Variants in NCAM2 observed in about 807,000 individuals in gnomAD.
NCAM2 encodes neural cell adhesion molecule 2.
Under a neutral mutation model 98.1 loss-of-function variants are expected in NCAM2, and 30 were observed. The ratio of observed to expected loss-of-function variants is 0.31; its 90% CI spans 0.23 to 0.41. The LOEUF (loss-of-function observed/expected upper bound fraction) is 0.41, where lower values mean the gene tolerates loss of function less well. Among genes scored for constraint, NCAM2 ranks in the 10% least tolerant of loss-of-function variants. The pLI is 1.00. For missense variants in NCAM2, 867 were observed against 1,005.8 expected (o/e 0.86, Z 1.87); for synonymous variants, 368 against 342.4 (o/e 1.07, Z -0.83).
chr21:21,311,783 TA>T (rs11330449), intron 5 of NCAM2, among the ~76,000 whole-genome samples: 112,377 of 151,896 alleles, frequency 0.74, 41,718 homozygotes, highest in South Asian at 0.83. Context: ...TACATTTTTT[TA>T]AAAAAAATTT....
At chr21:21,425,276 A>G (rs761552578) in intron 11 of NCAM2, among the ~76,000 whole-genome samples, 2 of 152,074 alleles carry the variant, frequency 1.3e-5, no homozygotes, top group Non-Finnish European at 2.9e-5. Context: ...AAAAAGTGAC[A>G]CAACTGCCAA....
At chr21:21,327,512 T>C (rs2074551400) in intron 6 of NCAM2, among the ~76,000 whole-genome samples, 1 of 152,106 alleles carries the variant, frequency 6.6e-6, no homozygotes, top group South Asian at 2.1e-4. Context: ...ATTCGCAGGT[T>C]TGTTACATGA....
At chr21:21,319,130 AAC>A (rs1289874782) in intron 5 of NCAM2, among the ~76,000 whole-genome samples, 1 of 152,190 alleles carries the variant, frequency 6.6e-6, no homozygotes, top group East Asian at 1.9e-4. Flanking sequence ...AAGAAAAACA[AAC>A]AAAAAAAAAT....
At chr21:21,251,014 C>A (rs1369192014) in intron 1 of NCAM2, among the ~76,000 whole-genome samples, 1 of 152,130 alleles carries the variant, frequency 6.6e-6, no homozygotes, top group Admixed American at 6.5e-5. Flanking sequence ...TTTAACCTGG[C>A]ATGATTATTT....
chr21:21,508,808 C>CTTTTTTTTTTTTTTTTTTTTTTTTT (rs764097299), intron 15 of NCAM2, 43 bp from the exon 16 acceptor site: 1 of 404,442 alleles, frequency 2.5e-6, no homozygotes, highest in Non-Finnish European at 3.7e-6. Flanking sequence ...ACTTTTTTTC[C>CTTTTTTTTTTTTTTTTTTTTTTTTT]TTTTTTTTTT....
chr21:21,119,104 A>G (rs996319430), intron 1 of NCAM2, among the ~76,000 whole-genome samples: 3 of 152,012 alleles, frequency 2.0e-5, no homozygotes, highest in Non-Finnish European at 4.4e-5. Context: ...GTCATTTTTC[A>G]TTTGGGAGAT....
chr21:21,328,881 C>T (rs1241015361), intron 6 of NCAM2, among the ~76,000 whole-genome samples: 1 of 151,932 alleles, frequency 6.6e-6, no homozygotes, highest in Non-Finnish European at 1.5e-5. Flanking sequence ...CTCACTGAGT[C>T]ACCCAGAAGA....
chr21:21,506,101 G>A (rs1987963140), intron 15 of NCAM2, among the ~76,000 whole-genome samples: 1 of 152,022 alleles, frequency 6.6e-6, no homozygotes, highest in African/African-American at 2.4e-5. Context: ...TATTGTCATT[G>A]ATCTATAGGA....
At chr21:21,192,459 G>A (rs2068856359) in intron 1 of NCAM2, among the ~76,000 whole-genome samples, 3 of 152,092 alleles carry the variant, frequency 2.0e-5, no homozygotes, top group East Asian at 3.9e-4. Flanking sequence ...GGAAGTAATT[G>A]AAACATTGAC....
intron 1 of NCAM2, among the ~76,000 whole-genome samples, chr21:21,098,007 C>T (rs1020831045): frequency 1.7e-3 from 40 of 23,288 alleles, no homozygotes; most frequent in African/African-American, 2.4e-3. Context: ...ATTATTATGG[C>T]GAAATACAAT....
chr21:21,392,241 G>A (rs232435), intron 9 of NCAM2, among the ~76,000 whole-genome samples: 35,925 of 152,068 alleles, frequency 0.24, 4,443 homozygotes, highest in East Asian at 0.29. Flanking sequence ...TAAGGATAAT[G>A]GCCACCAGAT....
chr21:21,213,434 T>C (rs2069741735), intron 1 of NCAM2, among the ~76,000 whole-genome samples: 1 of 152,224 alleles, frequency 6.6e-6, no homozygotes, highest in Non-Finnish European at 1.5e-5. Flanking sequence ...ATTTAATATA[T>C]GATGTATAGC....
chr21:21,266,900 A>T (rs990340842), intron 1 of NCAM2, among the ~76,000 whole-genome samples: 2 of 152,142 alleles, frequency 1.3e-5, no homozygotes, highest in Admixed American at 6.6e-5. Context: ...GCCCAAAATG[A>T]GCTGTGGGAG....
intron 8 of NCAM2, among the ~76,000 whole-genome samples, chr21:21,348,240 G>A (rs113427381): frequency 8.7e-4 from 132 of 152,124 alleles, no homozygotes; most frequent in African/African-American, 3.1e-3. Flanking sequence ...AAAACTGTCA[G>A]AACTGATAAA....
At position 21,333,527 on chromosome 21, in the gene NCAM2, A is replaced by G. The variant is rs191514256; in HGVS notation, c.738-1978A>G. ...GTGGCAACTAATTTGCTATACATCA[A>G]ACATTTAGCACAATGTTTTATATGA... On this transcript the variant is annotated intron_variant, in intron 6 of 17. Transcript: ENST00000400546. Among the ~76,000 whole-genome samples the G allele has an allele frequency of 2.4e-3, 366 of 152,324 alleles. 1 individual carries two copies. The highest frequency in any genetic ancestry group is 3.9e-3 in the Non-Finnish European group (262 of 68,032).
intron 8 of NCAM2, among the ~76,000 whole-genome samples, chr21:21,365,896 G>A (rs1288123341): frequency 1.3e-5 from 2 of 152,052 alleles, no homozygotes; most frequent in African/African-American, 4.8e-5. Flanking sequence ...TTTTGGGGGA[G>A]TAGGTACCCA....
intron 1 of NCAM2, among the ~76,000 whole-genome samples, chr21:21,210,110 A>G (rs371626334): frequency 6.6e-6 from 1 of 152,196 alleles, no homozygotes; most frequent in East Asian, 1.9e-4. Context: ...AAATGCATTG[A>G]TAGATCAAAC....
intron 1 of NCAM2, among the ~76,000 whole-genome samples, chr21:21,188,745 A>T (rs961128351): frequency 5.9e-5 from 9 of 152,202 alleles, no homozygotes; most frequent in Admixed American, 5.9e-4. Context: ...TAATTACATC[A>T]TATGCATCTT....
At chr21:21,442,009 AT>A (rs1979357254) in intron 12 of NCAM2, among the ~76,000 whole-genome samples, 2 of 152,196 alleles carry the variant, frequency 1.3e-5, no homozygotes, top group Admixed American at 1.3e-4. Context: ...TCTAGACTTC[AT>A]TTTAACAAGA....
Sources: allele counts gnomAD v4.1 joint callset (sites outside exome capture counted in the v4.1 genomes callset), GRCh38; gene constraint gnomAD v4.1.1; transcripts MANE v1.5; gene names NCBI Gene and HGNC (gene_info 2026-07-23, HGNC 2026-07-21).